RAB31: variants seen among roughly 807,000 people sequenced by gnomAD.
The protein encoded by RAB31 is RAB31, member RAS oncogene family.
A neutral mutation model predicts 25.6 loss-of-function variants in RAB31; 21 were observed. That is an observed-to-expected ratio of 0.82 (90% CI 0.58 to 1.18). The LOEUF (loss-of-function observed/expected upper bound fraction) is 1.18, where lower values mean the gene tolerates loss of function less well. Ranked by LOEUF, RAB31 falls within the 50% of genes most tolerant of loss-of-function variation. RAB31 has a pLI of 0.00. For missense variants in RAB31, 196 were observed against 250.1 expected, an observed-to-expected ratio of 0.78 and a Z score of 1.46; for synonymous variants, 87 against 84.0, an observed-to-expected ratio of 1.04 and a Z score of -0.20.
At chr18:9,787,252 G>A in intron 2 of RAB31, 1 of 219,066 alleles carries the variant, frequency 4.6e-6, no homozygotes. Context: ...CACACATTAG[G>A]GAAAAACCTT....
intron 6 of RAB31, among the ~76,000 whole-genome samples, chr18:9,858,571 G>A (rs568671334): frequency 6.6e-6 from 1 of 152,178 alleles, no homozygotes; most frequent in South Asian, 2.1e-4. Flanking sequence ...TTTTGATTTT[G>A]TGTTTATTTA....
intron 1 of RAB31, among the ~76,000 whole-genome samples, chr18:9,749,872 G>A (rs2068225488): frequency 6.6e-6 from 1 of 152,146 alleles, no homozygotes; most frequent in Admixed American, 6.5e-5. Context: ...AGCACACTGA[G>A]GCTTTATGGG....
At chr18:9,850,959 GACA>G (rs147257760) in intron 6 of RAB31, among the ~76,000 whole-genome samples, 33 of 152,334 alleles carry the variant, frequency 2.2e-4, no homozygotes, top group African/African-American at 6.5e-4. Context: ...TAATATGAAA[GACA>G]ACAAGTTAAG....
chr18:9,710,438 T>G (rs1166388637), intron 1 of RAB31, among the ~76,000 whole-genome samples: 1 of 152,202 alleles, frequency 6.6e-6, no homozygotes, highest in Non-Finnish European at 1.5e-5. Flanking sequence ...ACTCTTTGAG[T>G]GGCTTCCTGC....
At chr18:9,734,544 A>G (rs1030593744) in intron 1 of RAB31, among the ~76,000 whole-genome samples, 1 of 152,146 alleles carries the variant, frequency 6.6e-6, no homozygotes, top group African/African-American at 2.4e-5. Context: ...GCCTATCTGC[A>G]GGTGTGGAGG....
At chr18:9,734,257 T>A (rs2068139165) in intron 1 of RAB31, among the ~76,000 whole-genome samples, 1 of 152,160 alleles carries the variant, frequency 6.6e-6, no homozygotes, top group Non-Finnish European at 1.5e-5. Flanking sequence ...TTGCTCTTCC[T>A]GTCACTATTG....
chr18:9,845,813 G>C, intron 6 of RAB31, 122 bp downstream of exon 6: 1 of 1,375,384 alleles, frequency 7.3e-7, no homozygotes, highest in Non-Finnish European at 9.4e-7. Flanking sequence ...GGATGCCATG[G>C]ATACAAAATC....
In RAB31 at chr18:9,814,071, G is replaced by A. The variant is rs903309452; in HGVS notation, c.253G>A (p.Val85Met). 6.9e-6 allele frequency: 11 copies of A among 1,587,770 alleles called. No homozygotes were observed. The highest frequency in any genetic ancestry group is 6.7e-5 in the East Asian group (3 of 44,514). Residue 85 changes from valine (V) to methionine (M), a missense_variant, in exon 4 of 7, where the codon GTG becomes ATG. Val to Met is a conservative substitution (Grantham distance 21). Coordinates refer to ENST00000578921, the MANE Select transcript of RAB31 (RefSeq NM_006868.4). ...YYRGSAAAVI[V>M]YDITKQDSFY... Reference sequence around the variant, plus strand: ...TCGAGGCTCAGCTGCAGCTGTTATCGTGTATGATATTACCAAGCAGGTAAG... The same window carrying A: ...TCGAGGCTCAGCTGCAGCTGTTATCATGTATGATATTACCAAGCAGGTAAG...
At chr18:9,801,969 G>GA (rs2068516086) in intron 3 of RAB31, among the ~76,000 whole-genome samples, 1 of 152,202 alleles carries the variant, frequency 6.6e-6, no homozygotes, top group South Asian at 2.1e-4. Context: ...CATCTTTACT[G>GA]AAAATCACCT....
intron 5 of RAB31, among the ~76,000 whole-genome samples, chr18:9,837,631 A>C (rs1377735965): frequency 2.6e-5 from 4 of 152,242 alleles, no homozygotes; most frequent in African/African-American, 9.6e-5. Context: ...CCCTCAAATA[A>C]TCCAAAACCA....
In RAB31 at chr18:9,785,505, C is replaced by T. The variant is rs79048846; in HGVS notation, c.120-6649C>T. ...AGGTTTTCACTTACAGTTCCTGGCTCCTAACTCCCAAACCCTTGTTATAAT... is the reference window on the plus strand; with the variant it reads ...AGGTTTTCACTTACAGTTCCTGGCTTCTAACTCCCAAACCCTTGTTATAAT... On this transcript the variant is annotated intron_variant, in intron 2 of 6. Transcript: ENST00000578921. 7.1e-3 allele frequency among the ~76,000 whole-genome samples: 1,086 copies of T among 152,258 alleles called. 15 individuals carry two copies. The highest frequency in any genetic ancestry group is 0.024 in the African/African-American group (1,017 of 41,546).
intron 3 of RAB31, among the ~76,000 whole-genome samples, chr18:9,804,762 T>C (rs2867812): frequency 0.95 from 144,602 of 152,216 alleles, 69,040 homozygotes; most frequent in Non-Finnish European, 1. Context: ...CACGGACCTG[T>C]GGTAGGAAGA....
At chr18:9,812,498 T>C (rs920748021) in intron 3 of RAB31, among the ~76,000 whole-genome samples, 1 of 152,122 alleles carries the variant, frequency 6.6e-6, no homozygotes, top group Non-Finnish European at 1.5e-5. Flanking sequence ...AGCACAAATC[T>C]TTTTACAATT....
chr18:9,793,559 G>T (rs1219754699), intron 3 of RAB31, among the ~76,000 whole-genome samples: 2 of 152,048 alleles, frequency 1.3e-5, no homozygotes, highest in African/African-American at 4.8e-5. Flanking sequence ...CTACTCGGGA[G>T]GCTGAGGCAG....
chr18:9,768,818 G>A (rs867151742), intron 1 of RAB31, among the ~76,000 whole-genome samples: 15 of 152,036 alleles, frequency 9.9e-5, no homozygotes, highest in African/African-American at 3.6e-4. Context: ...CTAGGGTTTT[G>A]GGGTTTTAGG....
intron 2 of RAB31, among the ~76,000 whole-genome samples, chr18:9,776,325 G>T (rs1790124902): frequency 6.6e-6 from 1 of 152,134 alleles, no homozygotes; most frequent in Admixed American, 6.5e-5. Context: ...TCAAGTCTTT[G>T]TAGGCAATGT....
chr18:9,769,004 T>C (rs1032781315), intron 1 of RAB31, among the ~76,000 whole-genome samples: 1 of 152,238 alleles, frequency 6.6e-6, no homozygotes, highest in Non-Finnish European at 1.5e-5. Context: ...CAGATGTTTG[T>C]AGATGTATGG....
chr18:9,710,017 T>G (rs2145449928), intron 1 of RAB31, among the ~76,000 whole-genome samples: 1 of 152,320 alleles, frequency 6.6e-6, no homozygotes, highest in South Asian at 2.1e-4. Context: ...TATTTTTGCC[T>G]TTTTTTCTGC....
chr18:9,803,103 C>G (rs970590692), intron 3 of RAB31, among the ~76,000 whole-genome samples: 2 of 152,222 alleles, frequency 1.3e-5, no homozygotes, highest in African/African-American at 4.8e-5. Context: ...CTGACCTGCA[C>G]CATCCCCACC....
Sources: allele counts gnomAD v4.1 joint callset (sites outside exome capture counted in the v4.1 genomes callset), GRCh38; gene constraint gnomAD v4.1.1; transcripts MANE v1.5; gene names NCBI Gene and HGNC (gene_info 2026-07-23, HGNC 2026-07-21).